PCDH9: variants seen among roughly 807,000 people sequenced by gnomAD.
PCDH9 encodes protocadherin 9, also known as protocadherin-9.
Under a neutral mutation model 70.6 loss-of-function variants are expected in PCDH9, and 24 were observed. The ratio of observed to expected loss-of-function variants is 0.34; its 90% confidence interval spans 0.25 to 0.48. The LOEUF (loss-of-function observed/expected upper bound fraction) is 0.48. Among genes scored for constraint, PCDH9 ranks in the 20% least tolerant of loss-of-function variants. PCDH9 has a pLI of 0.99. For missense variants in PCDH9, 1,281 were observed against 1,503.6 expected (o/e 0.85, Z 2.45); for synonymous variants, 562 against 558.5 (o/e 1.01, Z -0.09).
chr13:67,084,684 T>C (rs891025405), intron 2 of PCDH9, among the ~76,000 whole-genome samples: 3 of 151,832 alleles, frequency 2.0e-5, no homozygotes, highest in Non-Finnish European at 2.9e-5. Flanking sequence ...ATAACATATG[T>C]TGCCGGCCCA....
chr13:66,358,099 T>C (rs1354416793), intron 4 of PCDH9, among the ~76,000 whole-genome samples: 1 of 152,002 alleles, frequency 6.6e-6, no homozygotes, highest in East Asian at 1.9e-4. Context: ...TATAATTAAA[T>C]TGTCTGCCAA....
At chr13:66,318,074 A>G (rs1376252601) in intron 4 of PCDH9, among the ~76,000 whole-genome samples, 1 of 152,100 alleles carries the variant, frequency 6.6e-6, no homozygotes, top group Non-Finnish European at 1.5e-5. Context: ...GTAGAGAGAA[A>G]TTTTGCCCTC....
intron 4 of PCDH9, among the ~76,000 whole-genome samples, chr13:66,510,686 GA>G (rs1959429942): frequency 6.6e-6 from 1 of 152,126 alleles, no homozygotes; most frequent in South Asian, 2.1e-4. Flanking sequence ...CAAAGGAAAT[GA>G]ACTCACAATT....
chr13:66,713,652 T>A (rs1232886490), intron 3 of PCDH9, among the ~76,000 whole-genome samples: 1 of 139,510 alleles, frequency 7.2e-6, no homozygotes, highest in African/African-American at 2.6e-5. Context: ...TATATATATA[T>A]AATGTACACA....
intron 4 of PCDH9, among the ~76,000 whole-genome samples, chr13:66,417,125 C>T (rs1245244349): frequency 6.6e-6 from 1 of 151,944 alleles, no homozygotes; most frequent in Non-Finnish European, 1.5e-5. Context: ...TTGCTGCACC[C>T]AGCAACCCAT....
intron 4 of PCDH9, among the ~76,000 whole-genome samples, chr13:66,334,207 C>T (rs60218691): frequency 4.5e-4 from 69 of 152,152 alleles, no homozygotes; most frequent in African/African-American, 1.6e-3. Context: ...CTACCCTTCC[C>T]AGCCTCTGGT....
At position 66,892,003 on chromosome 13, in the gene PCDH9, T is replaced by G. The variant is rs114761914; in HGVS notation, c.3138+11501A>C. Among the ~76,000 whole-genome samples the G allele has an allele frequency of 8.3e-3, 1,259 of 151,920 alleles. 14 individuals carry two copies. The highest frequency in any genetic ancestry group is 0.029 in the African/African-American group (1,203 of 41,484). On this transcript the variant is annotated intron_variant, in intron 3 of 4. Coordinates refer to ENST00000377865, the MANE Select transcript of PCDH9 (RefSeq NM_203487.3). ...TCTCACTTTTATTCCAATTTGAAGT[T>G]GGAAATAAATGATGTGGCCTATTAA...
At chr13:67,125,825 A>ACG (rs1555309834) in intron 2 of PCDH9, among the ~76,000 whole-genome samples, 16 of 140,986 alleles carry the variant, frequency 1.1e-4, no homozygotes, top group Admixed American at 7.3e-4. Flanking sequence ...TAATTTAAAA[A>ACG]TGTGTGTATA....
intron 4 of PCDH9, among the ~76,000 whole-genome samples, chr13:66,524,606 A>C (rs1385499544): frequency 6.6e-6 from 1 of 152,054 alleles, no homozygotes; most frequent in Non-Finnish European, 1.5e-5. Context: ...TAGTATGGAG[A>C]AATCTGCAAA....
At chr13:66,639,239 G>A (rs959163252) in intron 3 of PCDH9, among the ~76,000 whole-genome samples, 1 of 152,158 alleles carries the variant, frequency 6.6e-6, no homozygotes, top group African/African-American at 2.4e-5. Flanking sequence ...GTCAGCTTTT[G>A]TTCTAACTTA....
chr13:67,187,474 C>T (rs1226124918), intron 2 of PCDH9, among the ~76,000 whole-genome samples: 2 of 152,094 alleles, frequency 1.3e-5, no homozygotes, highest in Admixed American at 1.3e-4. Context: ...AGAAGACCTT[C>T]TAACATCTTT....
At chr13:66,910,861 AGCAACTCTGT>A (rs2082451971) in intron 2 of PCDH9, among the ~76,000 whole-genome samples, 2 of 152,204 alleles carry the variant, frequency 1.3e-5, no homozygotes, top group Admixed American at 6.5e-5. Context: ...ATAAAGTTTT[AGCAACTCTGT>A]GCATTGTCCA....
chr13:66,842,993 T>C (rs539235147), intron 3 of PCDH9, among the ~76,000 whole-genome samples: 38 of 152,270 alleles, frequency 2.5e-4, no homozygotes, highest in African/African-American at 8.7e-4. Context: ...GCTGCTGAGA[T>C]TGTGTGTGTA....
intron 2 of PCDH9, among the ~76,000 whole-genome samples, chr13:66,965,821 T>A (rs1379816705): frequency 6.6e-6 from 1 of 151,988 alleles, no homozygotes; most frequent in Non-Finnish European, 1.5e-5. Flanking sequence ...AGTAATTGCA[T>A]TGAACATAAG....
At chr13:66,920,924 A>G (rs2082627735) in intron 2 of PCDH9, among the ~76,000 whole-genome samples, 1 of 151,240 alleles carries the variant, frequency 6.6e-6, no homozygotes. Flanking sequence ...AATTATAGTA[A>G]AACCAGATTA....
chr13:67,111,246 T>C (rs2086653019), intron 2 of PCDH9, among the ~76,000 whole-genome samples: 1 of 152,212 alleles, frequency 6.6e-6, no homozygotes, highest in Non-Finnish European at 1.5e-5. Context: ...GTACACAAAA[T>C]GAGACAAGTA....
intron 2 of PCDH9, among the ~76,000 whole-genome samples, chr13:67,111,535 G>A (rs1047693349): frequency 6.6e-6 from 1 of 152,114 alleles, no homozygotes; most frequent in African/African-American, 2.4e-5. Flanking sequence ...AGTTCCTAAC[G>A]CTACTACCAA....
intron 3 of PCDH9, among the ~76,000 whole-genome samples, chr13:66,642,113 A>G (rs1052621026): frequency 3.3e-5 from 5 of 152,146 alleles, no homozygotes; most frequent in Non-Finnish European, 7.4e-5. Context: ...CTATATATTC[A>G]TGTAACAAAA....
At chr13:66,511,364 C>T (rs1369439110) in intron 4 of PCDH9, among the ~76,000 whole-genome samples, 2 of 152,022 alleles carry the variant, frequency 1.3e-5, no homozygotes, top group African/African-American at 4.8e-5. Flanking sequence ...TGTTATTTAA[C>T]CTCCCTGAGT....
Sources: allele counts gnomAD v4.1 joint callset (sites outside exome capture counted in the v4.1 genomes callset), GRCh38; gene constraint gnomAD v4.1.1; transcripts MANE v1.5; gene names NCBI Gene and HGNC (gene_info 2026-07-23, HGNC 2026-07-21).